Variants in PPP1R12C observed in about 807,000 individuals in gnomAD.
The protein encoded by PPP1R12C is protein phosphatase 1 regulatory subunit 12C.
PPP1R12C carries 48 observed loss-of-function variants against 95.6 expected under a neutral mutation model. The ratio of observed to expected loss-of-function variants is 0.50; its 90% CI spans 0.40 to 0.64. PPP1R12C has a LOEUF of 0.64. Among genes scored for constraint, PPP1R12C ranks in the 30% least tolerant of loss-of-function variants. PPP1R12C has a pLI of 0.00. For synonymous variants in PPP1R12C, 480 were observed against 460.8 expected (o/e 1.04, Z -0.53); for missense variants, 1,057 against 1,083.3 (o/e 0.98, Z 0.34).
At chr19:55,116,968 T>A (rs2147219606) in intron 1 of PPP1R12C, among the ~76,000 whole-genome samples, 1 of 151,624 alleles carries the variant, frequency 6.6e-6, no homozygotes, top group Middle Eastern at 3.4e-3. Context: ...AGGGGAATGG[T>A]AAGGAGGCCT....
Position 55,092,206 on chromosome 19 carries a change from G to T in PPP1R12C, c.2160+16C>A. ...GGCCCTGCCAGTTCCCGTGACCCTG[G>T]CCTCGGCGCCCTTACCTGCGTGGCC... On this transcript the variant is annotated intron_variant, in intron 19 of 21. Coordinates refer to ENST00000263433, the MANE Select transcript of PPP1R12C (RefSeq NM_017607.4). The T allele has an allele frequency of 1.3e-6, 2 of 1,547,988 alleles. No individual in the cohort carries two copies. Among genetic ancestry groups the T allele is most frequent in the Non-Finnish European group, 8.7e-7 (1 of 1,148,614 alleles).
At chr19:55,108,550 C>T (rs1417956099) in intron 3 of PPP1R12C, among the ~76,000 whole-genome samples, 1 of 152,204 alleles carries the variant, frequency 6.6e-6, no homozygotes, top group Non-Finnish European at 1.5e-5. Flanking sequence ...CTGACTACAG[C>T]CATTCTACTG....
intron 1 of PPP1R12C, 176 bp from the exon 2 acceptor site, chr19:55,112,971 G>T: frequency 1.1e-6 from 1 of 871,688 alleles, no homozygotes; most frequent in Non-Finnish European, 1.7e-6. Context: ...TTGCCCAGTG[G>T]TCAGGCCGGC....
chr19:55,102,883 A>C (rs2084993586), intron 4 of PPP1R12C, among the ~76,000 whole-genome samples: 1 of 152,236 alleles, frequency 6.6e-6, no homozygotes, highest in East Asian at 1.9e-4. Flanking sequence ...AAATAGTAAC[A>C]AAATGATGAC....
intron 1 of PPP1R12C, chr19:55,113,476 G>A (rs2085120222): frequency 6.8e-7 from 1 of 1,472,700 alleles, no homozygotes. Flanking sequence ...GCTGACACGG[G>A]CCACCGTTTC....
intron 3 of PPP1R12C, among the ~76,000 whole-genome samples, chr19:55,110,578 C>T (rs1478618288): frequency 6.6e-6 from 1 of 152,190 alleles, no homozygotes; most frequent in Non-Finnish European, 1.5e-5. Flanking sequence ...ATGTACAATG[C>T]CTGCAACACA....
Position 55,093,013 on chromosome 19 carries a change from C to A in PPP1R12C, c.1825+3G>T. 1 of 1,575,562 alleles carries A rather than the reference C, an allele frequency of 6.3e-7. No homozygotes were observed. Among genetic ancestry groups the A allele is most frequent in the Non-Finnish European group, 8.6e-7 (1 of 1,159,214 alleles). On this transcript the variant is annotated splice_donor_region_variant and intron_variant, in intron 15 of 21. Transcript: ENST00000263433. ...GAATGACCTCCCCGAGAGCAGACCT[C>A]ACCTCTCTGGGCAGGGCTGTCAGAG...
In PPP1R12C at chr19:55,092,619, T is replaced by C; in HGVS notation, c.1952+3A>G. 1.6e-6 allele frequency: 2 copies of C among 1,232,536 alleles called. No individual in the cohort carries two copies. The highest frequency in any genetic ancestry group is 2.2e-6 in the Non-Finnish European group (2 of 912,388). The allele number at this position is 1,232,536 out of a possible 1,614,324, so 76.3% of individuals were successfully genotyped here. A position where few individuals can be genotyped will look rare whatever the true frequency, so the allele number is the denominator to read the frequency against. On this transcript the variant is annotated splice_donor_region_variant and intron_variant, in intron 17 of 21. Coordinates refer to ENST00000263433, the MANE Select transcript of PPP1R12C (RefSeq NM_017607.4). ...GACCCCACCTCTCCCACCCCGCCCCTACCTGGACTCCTGGCTGCGGTCAGC... is the reference window on the plus strand; with the variant it reads ...GACCCCACCTCTCCCACCCCGCCCCCACCTGGACTCCTGGCTGCGGTCAGC...
chr19:55,113,379 G>A, intron 1 of PPP1R12C: 2 of 1,440,228 alleles, frequency 1.4e-6, no homozygotes, highest in South Asian at 2.8e-5. Context: ...AGAGGGGTGA[G>A]ACAGCTGCAC....
At chr19:55,102,954 C>A (rs1198805928) in intron 4 of PPP1R12C, among the ~76,000 whole-genome samples, 2 of 152,208 alleles carry the variant, frequency 1.3e-5, no homozygotes, top group Non-Finnish European at 2.9e-5. Flanking sequence ...GTAATCCCAG[C>A]ACTTTGGGAG....
Position 55,093,173 on chromosome 19 carries a change from C to CT in PPP1R12C, c.1743dup (p.Glu582ArgfsTer22). ...CTCACCAGGCTCTGCGCCGGCTTCT[C>CT]TGACTCTGGGGCCTTCCCTGCAGCC... On this transcript the variant is annotated frameshift_variant, in exon 14 of 22. Coordinates refer to ENST00000263433, the MANE Select transcript of PPP1R12C (RefSeq NM_017607.4). LOFTEE classifies it high-confidence loss of function. 6.2e-7 allele frequency: 1 copy of CT among 1,613,728 alleles called. No individual in the cohort carries two copies. The highest frequency in any genetic ancestry group is 8.5e-7 in the Non-Finnish European group (1 of 1,179,960).
At position 55,117,600 on chromosome 19, in the gene PPP1R12C, A is replaced by G. The variant is rs930955191; in HGVS notation, c.-57T>C. The G allele has an allele frequency of 1.2e-4, 105 of 879,442 alleles. No individual in the cohort carries two copies. The highest frequency in any genetic ancestry group is 1.2e-3 in the Middle Eastern group (2 of 1,708). 54.5% of individuals were successfully genotyped at this position (879,442 alleles called of 1,614,324 possible). A position where few individuals can be genotyped will look rare whatever the true frequency, so the allele number is the denominator to read the frequency against. ...GCGCCGAGCCCCAACCGCCGCCACC[A>G]CCCGCCCGCCCGCCCGCCCCGGGGG... On this transcript the variant is annotated 5_prime_UTR_variant, in exon 1 of 22. Coordinates refer to ENST00000263433, the MANE Select transcript of PPP1R12C (RefSeq NM_017607.4).
chr19:55,113,648 A>C, intron 1 of PPP1R12C: 1 of 1,228,268 alleles, frequency 8.1e-7, no homozygotes, highest in Non-Finnish European at 1.0e-6. Context: ...CACGGGATAA[A>C]TTACCCCCCA....
rs1317728824 is a variant in PPP1R12C, at chr19:55,091,559, CTGGG to C, written c.2263-5_2263-2del. On this transcript the variant is annotated splice_acceptor_variant and splice_polypyrimidine_tract_variant and intron_variant, in intron 21 of 21. Transcript: ENST00000263433. LOFTEE classifies it high-confidence loss of function. ...TGTCAGCGCGGAGGTCAGACAGGGC[CTGGG>C]GGACGGCAAGGGTCAGCTGGGCAGC... is the stretch of plus-strand genomic sequence containing the variant. The C allele has an allele frequency of 6.2e-7, 1 of 1,613,438 alleles. No individual in the cohort carries two copies. Among genetic ancestry groups the C allele is most frequent in the Non-Finnish European group, 8.5e-7 (1 of 1,179,914 alleles).
At chr19:55,108,897 A>T (rs1055692575) in intron 3 of PPP1R12C, among the ~76,000 whole-genome samples, 1 of 151,894 alleles carries the variant, frequency 6.6e-6, no homozygotes, top group African/African-American at 2.4e-5. Context: ...GTAGAGACAG[A>T]GTTTCTCCAT....
chr19:55,095,507 C>T lies in PPP1R12C; in HGVS notation c.1324G>A (p.Ala442Thr). 2 of 1,574,774 alleles carry T rather than the reference C, an allele frequency of 1.3e-6. No homozygotes were observed. Among genetic ancestry groups the T allele is most frequent in the Non-Finnish European group, 1.7e-6 (2 of 1,160,248 alleles). Residue 442 changes from alanine (A) to threonine (T), a missense_variant, in exon 10 of 22, where the codon GCC (alanine) becomes ACC (threonine). Ala to Thr is a moderately conservative substitution (Grantham distance 58). This residue lies in a region of PPP1R12C where 356 missense variants were observed against 330.5 expected (regional missense o/e 1.08). Coordinates refer to ENST00000263433, the MANE Select transcript of PPP1R12C (RefSeq NM_017607.4). The stretch of plus-strand genomic sequence containing the variant: ...GAGCGCTGCAGCCCAGCCCCAGGGG[C>T]TCCCTCCGCTGTCCGCCTTTCAGGG... ...GPPERRTAEG[A>T]PGAGLQRSAS...
At position 55,091,120 on chromosome 19, in the gene PPP1R12C, A is replaced by C; in HGVS notation, c.*352T>G. 1 of 326,694 alleles carries C rather than the reference A, an allele frequency of 3.1e-6. No homozygotes were observed. The allele number at this position is 326,694 out of a possible 1,614,324, so 20.2% of individuals were successfully genotyped here. ...TTCTTGGATCCCTGCTCAGGAGGGGAGGGGTGACGGGGTGGCATCACACGT... is the reference window on the plus strand; with the variant it reads ...TTCTTGGATCCCTGCTCAGGAGGGGCGGGGTGACGGGGTGGCATCACACGT... On this transcript the variant is annotated 3_prime_UTR_variant, in exon 22 of 22. Coordinates refer to ENST00000263433, the MANE Select transcript of PPP1R12C (RefSeq NM_017607.4).
At position 55,103,357 on chromosome 19, in the gene PPP1R12C, G is replaced by T. The variant is rs2084998624; in HGVS notation, c.731+52C>A. 3.7e-6 allele frequency: 5 copies of T among 1,354,878 alleles called. No individual in the cohort carries two copies. The East Asian group carries it at 1.1e-4, about 29-fold the overall frequency. 83.9% of individuals were successfully genotyped at this position (1,354,878 alleles called of 1,614,324 possible). Reference sequence around the variant, plus strand: ...ATTTAAAAAGAAAGGGAAAGGACAAGATCCACAGGAAGGTATAAGACAGCA... The same window carrying T: ...ATTTAAAAAGAAAGGGAAAGGACAATATCCACAGGAAGGTATAAGACAGCA... On this transcript the variant is annotated intron_variant, in intron 4 of 21. Transcript: ENST00000263433.
chr19:55,113,830 G>C (rs2085125271), intron 1 of PPP1R12C: 2 of 208,846 alleles, frequency 9.6e-6, no homozygotes, highest in Non-Finnish European at 1.9e-5. Flanking sequence ...AGGGGAGGGG[G>C]GCAAGGAGAG....
Sources: gnomAD v4.1 joint callset for allele counts (sites outside exome capture counted in the v4.1 genomes callset) on GRCh38, gnomAD v4.1.1 for gene constraint, gnomAD v4.1.1 regional missense constraint, MANE v1.5 for transcripts, NCBI Gene and HGNC (gene_info 2026-07-23, HGNC 2026-07-21) for gene names.